LINGO2: variants seen among roughly 807,000 people sequenced by gnomAD.
LINGO2 encodes the protein leucine rich repeat and Ig domain containing 2.
Under a neutral mutation model 30.6 loss-of-function variants are expected in LINGO2, and 14 were observed. The ratio of observed to expected loss-of-function variants is 0.46; its 90% CI spans 0.30 to 0.72. The LOEUF (loss-of-function observed/expected upper bound fraction) is 0.72, where lower values mean the gene tolerates loss of function less well. Ranked by LOEUF, LINGO2 falls within the 30% of genes least tolerant of loss-of-function variation. The pLI is 0.07. For synonymous variants in LINGO2, 317 were observed against 288.5 expected (o/e 1.10, Z -1.00); for missense variants, 729 against 751.7 (o/e 0.97, Z 0.35).
At chr9:28,821,187 G>T in the LINGO2 span, among the ~76,000 whole-genome samples, 1 of 152,148 alleles carries the variant, frequency 6.6e-6, no homozygotes, top group Admixed American at 6.5e-5. Flanking sequence ...CATCACACAG[G>T]GTGCACTGAC....
At chr9:29,131,444 A>G in the LINGO2 span, among the ~76,000 whole-genome samples, 48 of 152,232 alleles carry the variant, frequency 3.2e-4, no homozygotes, top group African/African-American at 1.1e-3. Flanking sequence ...AGCTTTGTTT[A>G]TCTCCATTAT....
At chr9:28,483,491 C>T (rs1826054390) in intron 1 of LINGO2, among the ~76,000 whole-genome samples, 1 of 151,344 alleles carries the variant, frequency 6.6e-6, no homozygotes, top group African/African-American at 2.4e-5. Flanking sequence ...CTTTTGTGCT[C>T]ATTGAAATCT....
intron 4 of LINGO2, among the ~76,000 whole-genome samples, chr9:28,208,483 C>T (rs1253021447): frequency 6.6e-6 from 1 of 151,942 alleles, no homozygotes; most frequent in South Asian, 2.1e-4. Flanking sequence ...TTTCAAGGTT[C>T]TTGGGGGCAG....
chr9:29,027,146 A>T, the LINGO2 span, among the ~76,000 whole-genome samples: 1 of 152,188 alleles, frequency 6.6e-6, no homozygotes, highest in Non-Finnish European at 1.5e-5. Flanking sequence ...ATAACAACAC[A>T]GGATAAATAA....
At chr9:28,233,730 G>A (rs1821457056) in intron 4 of LINGO2, among the ~76,000 whole-genome samples, 1 of 152,090 alleles carries the variant, frequency 6.6e-6, no homozygotes, top group African/African-American at 2.4e-5. Context: ...ACTTTGTTTT[G>A]CCTTTTGGAT....
At chr9:29,105,982 T>G in the LINGO2 span, among the ~76,000 whole-genome samples, 1 of 152,136 alleles carries the variant, frequency 6.6e-6, no homozygotes, top group South Asian at 2.1e-4. Flanking sequence ...ACTGACAGCT[T>G]TTATTTGATC....
intron 5 of LINGO2, among the ~76,000 whole-genome samples, chr9:28,007,715 T>G (rs2119209124): frequency 6.6e-6 from 1 of 152,198 alleles, no homozygotes; most frequent in Non-Finnish European, 1.5e-5. Context: ...ATCAGTGGTT[T>G]CCTAAATGTT....
At chr9:28,360,313 T>C (rs549974602) in intron 3 of LINGO2, among the ~76,000 whole-genome samples, 2 of 152,186 alleles carry the variant, frequency 1.3e-5, no homozygotes, top group Non-Finnish European at 2.9e-5. Context: ...TCCTAAACTT[T>C]GCTTTCAGTA....
chr9:28,631,169 T>TTTA (rs1826919923), intron 1 of LINGO2, among the ~76,000 whole-genome samples: 1 of 152,084 alleles, frequency 6.6e-6, no homozygotes, highest in African/African-American at 2.4e-5. Context: ...TTATTTATTT[T>TTTA]TTTATTATAC....
chr9:28,307,190 G>C (rs1824402271), intron 3 of LINGO2, among the ~76,000 whole-genome samples: 1 of 152,080 alleles, frequency 6.6e-6, no homozygotes, highest in South Asian at 2.1e-4. Context: ...ATAAAATACT[G>C]GGAAACCGAA....
At chr9:28,545,282 TTTA>T (rs781574960) in intron 1 of LINGO2, among the ~76,000 whole-genome samples, 19 of 152,032 alleles carry the variant, frequency 1.2e-4, no homozygotes, top group Middle Eastern at 3.2e-3. Flanking sequence ...ACCCAAAGAC[TTTA>T]GAGGCCAGTC....
At chr9:29,026,984 T>C in the LINGO2 span, among the ~76,000 whole-genome samples, 1 of 152,068 alleles carries the variant, frequency 6.6e-6, no homozygotes, top group Admixed American at 6.6e-5. Flanking sequence ...AAAACAAGAA[T>C]GATATGTTTC....
In LINGO2 at chr9:28,653,314, C is replaced by T. The variant is rs78442200; in HGVS notation, c.-365+16886G>A. ...TGGAGCTAGGGGCCTCTTCAGTCAC[C>T]TTGGCAAAAAAAGACAATGCTAGAG... is the stretch of plus-strand genomic sequence containing the variant. On this transcript the variant is annotated intron_variant, in intron 1 of 5. Coordinates refer to ENST00000379992, the Ensembl canonical transcript of LINGO2. Among the ~76,000 whole-genome samples the T allele has an allele frequency of 9.2e-3, 1,404 of 152,050 alleles. 25 individuals carry two copies. The highest frequency in any genetic ancestry group is 0.08 in the East Asian group (410 of 5,150).
chr9:28,279,527 T>C (rs188630682), intron 4 of LINGO2, among the ~76,000 whole-genome samples: 1 of 152,306 alleles, frequency 6.6e-6, no homozygotes, highest in East Asian at 1.9e-4. Flanking sequence ...AAAAATATTG[T>C]GATTTGTTGA....
intron 3 of LINGO2, among the ~76,000 whole-genome samples, chr9:28,371,666 G>T (rs1820903536): frequency 6.6e-6 from 1 of 152,146 alleles, no homozygotes; most frequent in African/African-American, 2.4e-5. Context: ...TTATCCAAGG[G>T]TGCTCATATA....
intron 4 of LINGO2, among the ~76,000 whole-genome samples, chr9:28,035,068 T>A (rs915327120): frequency 2.0e-5 from 3 of 152,250 alleles, no homozygotes. Flanking sequence ...CCTGTTTGGA[T>A]ATTCAAATAC....
intron 2 of LINGO2, among the ~76,000 whole-genome samples, chr9:28,447,695 C>T (rs1397903821): frequency 2.0e-5 from 3 of 152,172 alleles, no homozygotes; most frequent in Non-Finnish European, 4.4e-5. Flanking sequence ...AGAATCTTCT[C>T]TCAGTATTCA....
chr9:28,994,670 G>A, the LINGO2 span, among the ~76,000 whole-genome samples: 1 of 151,604 alleles, frequency 6.6e-6, no homozygotes, highest in Non-Finnish European at 1.5e-5. Flanking sequence ...CCAAAACAGA[G>A]ATATAGATCA....
At chr9:28,291,718 A>G (rs1823737704) in intron 4 of LINGO2, among the ~76,000 whole-genome samples, 1 of 152,220 alleles carries the variant, frequency 6.6e-6, no homozygotes, top group Non-Finnish European at 1.5e-5. Flanking sequence ...TTGTGGGACA[A>G]TATCTGACAT....
Sources: allele counts gnomAD v4.1 joint callset (sites outside exome capture counted in the v4.1 genomes callset), GRCh38; gene constraint gnomAD v4.1.1; transcripts MANE v1.5; gene names NCBI Gene and HGNC (gene_info 2026-07-23, HGNC 2026-07-21).